The following RYR3 variants were observed in gnomAD, a reference collection of about 807,000 sequenced individuals.
RYR3 encodes brain ryanodine receptor-calcium release channel.
Under a neutral mutation model 584.3 loss-of-function variants are expected in RYR3, and 207 were observed. That is an observed-to-expected ratio of 0.35 (90% CI 0.32 to 0.40). RYR3 has a LOEUF of 0.40. RYR3 is among the 10% of genes least tolerant of loss of function. RYR3 has a pLI of 1.00. For synonymous variants in RYR3, 2,416 were observed against 2,248.5 expected (o/e 1.07, Z -2.11); for missense variants, 5,616 against 6,089.2 (o/e 0.92, Z 2.59).
intron 85 of RYR3, among the ~76,000 whole-genome samples, chr15:33,829,476 C>T (rs1405281351): frequency 6.6e-6 from 1 of 152,102 alleles, no homozygotes; most frequent in East Asian, 1.9e-4. Context: ...GGGCCAGGCC[C>T]AGTGGCTCGC....
At chr15:33,797,069 T>C (rs1186103295) in intron 67 of RYR3, among the ~76,000 whole-genome samples, 1 of 152,180 alleles carries the variant, frequency 6.6e-6, no homozygotes, top group Non-Finnish European at 1.5e-5. Flanking sequence ...CACATGGACC[T>C]AGACTGTAGA....
chr15:33,834,924 A>G (rs767208040), intron 86 of RYR3, 44 bp from the exon 87 acceptor site: 5 of 1,531,556 alleles, frequency 3.3e-6, no homozygotes, highest in South Asian at 2.3e-5. Context: ...TTTCAGAGCA[A>G]CTTGTGATGT....
chr15:33,405,054 G>C (rs1328540073), intron 1 of RYR3, among the ~76,000 whole-genome samples: 1 of 152,136 alleles, frequency 6.6e-6, no homozygotes, highest in Non-Finnish European at 1.5e-5. Flanking sequence ...TTACCTCCCA[G>C]GTGCTGTGAA....
Position 33,772,070 on chromosome 15 carries a change from T to C in RYR3, c.8967T>C (p.Asn2989=), listed in dbSNP as rs2073616435. 1 of 1,613,806 alleles carries C rather than the reference T, an allele frequency of 6.2e-7. No homozygotes were observed. The highest frequency in any genetic ancestry group is 8.5e-7 in the Non-Finnish European group (1 of 1,179,810). ...CGCAGATTAAAGGCGTTTCTCAGAA[T>C]ATTAACTACACTACAGTGGCTCTGC... ...SRTQIKGVSQ[N]INYTTVALLP... Residue 2989 remains asparagine, a synonymous_variant, in exon 63 of 104, where the codon AAT becomes AAC. Transcript: ENST00000634891.
intron 1 of RYR3, among the ~76,000 whole-genome samples, chr15:33,320,919 C>T (rs1968877733): frequency 6.6e-6 from 1 of 152,180 alleles, no homozygotes; most frequent in Non-Finnish European, 1.5e-5. Context: ...TGGGATTATT[C>T]CATAGTCTTG....
chr15:33,671,760 G>A (rs1029339516), intron 38 of RYR3, among the ~76,000 whole-genome samples: 2 of 150,690 alleles, frequency 1.3e-5, no homozygotes, highest in South Asian at 2.1e-4. Flanking sequence ...ATCACCTGCT[G>A]AGAGTCTCTT....
intron 1 of RYR3, among the ~76,000 whole-genome samples, chr15:33,343,563 TCA>T (rs1972083521): frequency 6.6e-6 from 1 of 152,236 alleles, no homozygotes; most frequent in Non-Finnish European, 1.5e-5. Flanking sequence ...CTTTCCATCT[TCA>T]GAGTGATTTA....
intron 53 of RYR3, among the ~76,000 whole-genome samples, chr15:33,746,780 C>CA (rs2070754409): frequency 6.7e-6 from 1 of 149,286 alleles, no homozygotes; most frequent in Non-Finnish European, 1.5e-5. Context: ...AAAATTCAGA[C>CA]AAAAATAATT....
intron 66 of RYR3, 21 bp from the exon 67 acceptor site, chr15:33,788,197 G>A: frequency 6.2e-7 from 1 of 1,612,936 alleles, no homozygotes; most frequent in Non-Finnish European, 8.5e-7. Context: ...GAAATGACGG[G>A]GAGGCTCTTT....
At chr15:33,471,129 T>G (rs1369377584) in intron 1 of RYR3, among the ~76,000 whole-genome samples, 1 of 152,208 alleles carries the variant, frequency 6.6e-6, no homozygotes, top group East Asian at 1.9e-4. Flanking sequence ...ATTGAAGGTT[T>G]ATGGAAATAA....
At chr15:33,860,807 C>G in intron 101 of RYR3, 148 bp downstream of exon 101, 1 of 709,894 alleles carries the variant, frequency 1.4e-6, no homozygotes, top group Non-Finnish European at 2.4e-6. Flanking sequence ...CTGCACCCTG[C>G]CATACCCCTG....
chr15:33,432,035 T>C (rs2045200374), intron 1 of RYR3, among the ~76,000 whole-genome samples: 1 of 152,194 alleles, frequency 6.6e-6, no homozygotes, highest in Non-Finnish European at 1.5e-5. Context: ...CCCTCACTCA[T>C]TGTTTACCTT....
At chr15:33,725,795 T>TAAAAA (rs3086219) in intron 45 of RYR3, among the ~76,000 whole-genome samples, 2 of 130,484 alleles carry the variant, frequency 1.5e-5, no homozygotes, top group Non-Finnish European at 1.6e-5. Flanking sequence ...CCGTCTCTAC[T>TAAAAA]AAAAAAAAAA....
intron 3 of RYR3, among the ~76,000 whole-genome samples, chr15:33,515,912 G>C (rs555467793): frequency 6.6e-6 from 1 of 152,052 alleles, no homozygotes; most frequent in South Asian, 2.1e-4. Context: ...GTGCATAATA[G>C]ATACCACTTC....
chr15:33,491,503 G>T (rs979099935), intron 2 of RYR3, among the ~76,000 whole-genome samples: 2 of 152,174 alleles, frequency 1.3e-5, no homozygotes, highest in Non-Finnish European at 2.9e-5. Context: ...TTGAGGTGTG[G>T]CATTGCTCCA....
At chr15:33,599,301 A>T (rs1052704319) in intron 16 of RYR3, among the ~76,000 whole-genome samples, 1 of 152,202 alleles carries the variant, frequency 6.6e-6, no homozygotes, top group African/African-American at 2.4e-5. Context: ...GACAGGTCTT[A>T]GTTAATTTAG....
At chr15:33,632,725 G>C (rs984879150) in intron 23 of RYR3, among the ~76,000 whole-genome samples, 2 of 152,172 alleles carry the variant, frequency 1.3e-5, no homozygotes, top group African/African-American at 4.8e-5. Flanking sequence ...CTTTTTTCAA[G>C]TCTTCTTTGA....
chr15:33,317,090 A>G (rs1455073204), intron 1 of RYR3, among the ~76,000 whole-genome samples: 1 of 152,204 alleles, frequency 6.6e-6, no homozygotes, highest in Non-Finnish European at 1.5e-5. Flanking sequence ...TTGTCATCTC[A>G]GAAAATTACC....
intron 1 of RYR3, among the ~76,000 whole-genome samples, chr15:33,372,277 C>T (rs988419283): frequency 1.3e-5 from 2 of 151,874 alleles, no homozygotes; most frequent in Non-Finnish European, 2.9e-5. Flanking sequence ...CTGCAACCTC[C>T]GTCTCCCAGA....
Sources: gnomAD v4.1 joint callset for allele counts (sites outside exome capture counted in the v4.1 genomes callset) on GRCh38, gnomAD v4.1.1 for gene constraint, MANE v1.5 for transcripts, NCBI Gene and HGNC (gene_info 2026-07-23, HGNC 2026-07-21) for gene names.